The following TENT5D variants were observed in gnomAD, a reference collection of about 807,000 sequenced individuals.
TENT5D encodes the protein cancer/testis antigen 112.
For missense variants in TENT5D, 191 were observed against 287.0 expected, an observed-to-expected ratio of 0.67 and a Z score of 2.42; for synonymous variants, 103 against 100.6, an observed-to-expected ratio of 1.02 and a Z score of -0.15.
At chrX:80,346,019 T>G (rs1055732917) in intron 3 of TENT5D, among the ~76,000 whole-genome samples, 20 of 112,143 alleles carry the variant, frequency 1.8e-4, no homozygotes, top group Non-Finnish European at 3.8e-4. Context: ...TTAATAACCC[T>G]GTGTATAGAT....
chrX:80,374,996 G>A (rs189690483), intron 3 of TENT5D, among the ~76,000 whole-genome samples: 1 of 110,806 alleles, frequency 9.0e-6, no homozygotes, highest in Admixed American at 9.7e-5. Context: ...TTTTCAACTT[G>A]GTGTCCTACA....
chrX:80,408,967 T>C lies in TENT5D; in HGVS notation c.-141-29643T>C, dbSNP rs1250126241. Among the ~76,000 whole-genome samples, 43 of 111,106 alleles carry C rather than the reference T, an allele frequency of 3.9e-4. 1 individual carries two copies. The East Asian group carries it at 0.012, about 31-fold the overall frequency. On this transcript the variant is annotated intron_variant, in intron 3 of 4. Transcript: ENST00000538312. ...ATATACGCAAATCAATAAACGTAAT[T>C]CAGCATATAAACAGAGCCAAAGACA... is the stretch of plus-strand genomic sequence containing the variant.
intron 3 of TENT5D, among the ~76,000 whole-genome samples, chrX:80,353,951 T>C (rs1368860068): frequency 1.8e-5 from 2 of 111,634 alleles, no homozygotes; most frequent in Non-Finnish European, 3.8e-5. Flanking sequence ...TTATTATTAT[T>C]ATTTTTTTTT....
At chrX:80,369,371 T>C (rs1441856553) in intron 3 of TENT5D, among the ~76,000 whole-genome samples, 1 of 112,179 alleles carries the variant, frequency 8.9e-6, no homozygotes, top group Non-Finnish European at 1.9e-5. Context: ...TGTACTTAGA[T>C]TTTTATCTTT....
intron 3 of TENT5D, among the ~76,000 whole-genome samples, chrX:80,352,888 G>A (rs917594514): frequency 9.0e-6 from 1 of 110,723 alleles, no homozygotes; most frequent in Non-Finnish European, 1.9e-5. Flanking sequence ...TATCTGGGCC[G>A]GATAGCGCAG....
At chrX:80,405,000 G>C (rs1931454660) in intron 3 of TENT5D, among the ~76,000 whole-genome samples, 1 of 111,730 alleles carries the variant, frequency 9.0e-6, no homozygotes, top group South Asian at 3.7e-4. Context: ...TTGTTGGAAG[G>C]AAACACTTCC....
intron 3 of TENT5D, among the ~76,000 whole-genome samples, chrX:80,359,736 G>T (rs1482561574): frequency 9.0e-6 from 1 of 111,274 alleles, no homozygotes; most frequent in Non-Finnish European, 1.9e-5. Flanking sequence ...GTATACCTAT[G>T]TAACAAACCT....
intron 3 of TENT5D, among the ~76,000 whole-genome samples, chrX:80,358,090 G>A (rs188420459): frequency 6.3e-5 from 7 of 111,889 alleles, no homozygotes; most frequent in Admixed American, 2.9e-4. Flanking sequence ...AATAAATGGT[G>A]CTGGGAAAAC....
At chrX:80,406,241 C>A (rs1205916258) in intron 3 of TENT5D, among the ~76,000 whole-genome samples, 1 of 112,365 alleles carries the variant, frequency 8.9e-6, no homozygotes, top group Non-Finnish European at 1.9e-5. Context: ...CAGAACAAAG[C>A]TGGATGGAGA....
intron 3 of TENT5D, among the ~76,000 whole-genome samples, chrX:80,352,795 C>G (rs1289801364): frequency 9.2e-6 from 1 of 109,130 alleles, no homozygotes; most frequent in East Asian, 2.9e-4. Flanking sequence ...CAGTTTTGTC[C>G]TTGAAACCCA....
At chrX:80,442,202 C>G (rs947986307) in intron 2 of TENT5D, among the ~76,000 whole-genome samples, 2 of 110,648 alleles carry the variant, frequency 1.8e-5, no homozygotes, top group African/African-American at 6.5e-5. Context: ...ATTTATATCA[C>G]CAAAGAAATA....
At chrX:80,359,991 T>C (rs1930371650) in intron 3 of TENT5D, among the ~76,000 whole-genome samples, 1 of 111,740 alleles carries the variant, frequency 8.9e-6, no homozygotes. Context: ...TAATCAACTT[T>C]CCCCTAAGTA....
chrX:80,381,252 A>T (rs1051789801), intron 3 of TENT5D, among the ~76,000 whole-genome samples: 4 of 111,913 alleles, frequency 3.6e-5, no homozygotes, highest in Admixed American at 9.5e-5. Flanking sequence ...TTCTGGGTTG[A>T]AACTTCTTTT....
At chrX:80,426,539 T>C (rs1313771747) in intron 1 of TENT5D, among the ~76,000 whole-genome samples, 1 of 112,004 alleles carries the variant, frequency 8.9e-6, no homozygotes, top group Non-Finnish European at 1.9e-5. Flanking sequence ...AACCTTGTTG[T>C]GCTTTTATTT....
intron 3 of TENT5D, among the ~76,000 whole-genome samples, chrX:80,351,758 G>A (rs1440454149): frequency 9.0e-6 from 1 of 111,340 alleles, no homozygotes; most frequent in African/African-American, 3.3e-5. Context: ...CAGTCTTTTT[G>A]TGCTGGTTTT....
intron 3 of TENT5D, among the ~76,000 whole-genome samples, chrX:80,402,778 T>A (rs1931411726): frequency 8.9e-6 from 1 of 112,213 alleles, no homozygotes; most frequent in South Asian, 3.6e-4. Flanking sequence ...TTCTTAAACT[T>A]GCTAAGACTT....
chrX:80,406,254 G>C (rs1374760289), intron 3 of TENT5D, among the ~76,000 whole-genome samples: 8 of 112,271 alleles, frequency 7.1e-5, no homozygotes, highest in African/African-American at 2.6e-4. Flanking sequence ...GATGGAGAAT[G>C]ACTTCGACGA....
At chrX:80,361,622 TTGA>T (rs780813771) in intron 3 of TENT5D, among the ~76,000 whole-genome samples, 116 of 111,902 alleles carry the variant, frequency 1.0e-3, no homozygotes, top group African/African-American at 3.6e-3. Context: ...TTGAAATTTT[TTGA>T]TGATAACTTT....
At chrX:80,407,778 C>T (rs1389406182) in intron 3 of TENT5D, among the ~76,000 whole-genome samples, 4 of 107,024 alleles carry the variant, frequency 3.7e-5, no homozygotes, top group Non-Finnish European at 7.7e-5. Flanking sequence ...AACTCTCCAC[C>T]CCAAATCAAC....
Sources: allele counts gnomAD v4.1 joint callset (sites outside exome capture counted in the v4.1 genomes callset), GRCh38; gene constraint gnomAD v4.1.1; transcripts MANE v1.5; gene names NCBI Gene and HGNC (gene_info 2026-07-23, HGNC 2026-07-21).